TAS1R2: variants seen among roughly 807,000 people sequenced by gnomAD.
The protein encoded by TAS1R2 is taste 1 receptor member 2, also known as taste receptor type 1 member 2.
Under a neutral mutation model 49.3 loss-of-function variants are expected in TAS1R2, and 47 were observed. The observed-to-expected ratio is 0.95, with a 90% CI of 0.75 to 1.22. The LOEUF is 1.22. Among genes scored for constraint, TAS1R2 ranks in the 50% most tolerant of loss-of-function variants. The pLI, the probability that TAS1R2 is intolerant of heterozygous loss-of-function variation, is 0.00. For synonymous variants in TAS1R2, 479 were observed against 467.9 expected (o/e 1.02, Z -0.31); for missense variants, 1,155 against 1,122.1 (o/e 1.03, Z -0.42).
At chr1:18,849,247 A>G (rs578204924) in intron 4 of TAS1R2, 94 bp downstream of exon 4, 3 of 1,315,362 alleles carry the variant, frequency 2.3e-6, no homozygotes, top group South Asian at 2.6e-5. Context: ...AAGCATCTCC[A>G]GGCTCTGTCC....
rs775502253 is a variant in TAS1R2 at position 18,857,290 on chromosome 1, C to T, written c.483+41G>A. On this transcript the variant is annotated intron_variant, in intron 2 of 5. Transcript: ENST00000375371. The stretch of plus-strand genomic sequence containing the variant: ...AGGCCTCTAGACAGCCATTCCTCTG[C>T]CCCCCTCCCCAGGTCCTTCTCCAGG... The T allele has an allele frequency of 1.9e-6, 3 of 1,588,140 alleles. No individual in the cohort carries two copies. The South Asian group carries it at 3.5e-5, about 18-fold the overall frequency.
intron 2 of TAS1R2, among the ~76,000 whole-genome samples, chr1:18,856,544 G>T (rs146999623): frequency 6.6e-6 from 1 of 152,126 alleles, no homozygotes; most frequent in African/African-American, 2.4e-5. Context: ...CTCCATGAGG[G>T]CGATGATTTC....
chr1:18,847,198 G>T (rs1319245740), intron 4 of TAS1R2, among the ~76,000 whole-genome samples: 1 of 152,160 alleles, frequency 6.6e-6, no homozygotes, highest in Non-Finnish European at 1.5e-5. Context: ...TATGGGTGGT[G>T]CATCTACAGT....
intron 4 of TAS1R2, among the ~76,000 whole-genome samples, chr1:18,848,161 C>T (rs1933955868): frequency 1.3e-5 from 2 of 152,122 alleles, no homozygotes; most frequent in African/African-American, 2.4e-5. Flanking sequence ...TATAGAGAAC[C>T]TCCGCCACAG....
intron 5 of TAS1R2, 117 bp downstream of exon 5, chr1:18,841,610 TCA>T (rs1323783846): frequency 7.1e-7 from 1 of 1,412,802 alleles, no homozygotes; most frequent in African/African-American, 1.4e-5. Context: ...CTTTGGACAC[TCA>T]CACCCCCTGT....
In TAS1R2 at chr1:18,854,015, T is replaced by C. The variant is rs1403242730; in HGVS notation, c.1257+198A>G. Among the ~76,000 whole-genome samples, 2 of 152,148 alleles carry C rather than the reference T, an allele frequency of 1.3e-5. No homozygotes were observed. Among genetic ancestry groups the C allele is most frequent in the African/African-American group, 4.8e-5 (2 of 41,436 alleles). On this transcript the variant is annotated intron_variant, in intron 3 of 5. Transcript: ENST00000375371. This position sits in a 1 kb window ranked among gnomAD's most constrained non-coding sequence, Gnocchi z 4.9. ...TTCCTTCTGGTGAATTCCACCTGAA[T>C]CTCCCAAGAACAGACTACTATCTTG...
intron 2 of TAS1R2, among the ~76,000 whole-genome samples, chr1:18,856,623 T>A (rs757546888): frequency 6.6e-5 from 10 of 152,218 alleles, no homozygotes; most frequent in African/African-American, 2.2e-4. Flanking sequence ...TCAATAAATA[T>A]CTGTTACATG....
intron 4 of TAS1R2, among the ~76,000 whole-genome samples, chr1:18,848,225 T>G (rs1933957247): frequency 6.6e-6 from 1 of 152,056 alleles, no homozygotes; most frequent in African/African-American, 2.4e-5. Flanking sequence ...CTGTGTGGCC[T>G]CAGACAGGTC....
intron 4 of TAS1R2, 147 bp from the exon 5 acceptor site, chr1:18,841,999 A>AAAC: frequency 1.1e-6 from 1 of 942,462 alleles, no homozygotes; most frequent in South Asian, 2.5e-5. Context: ...AAAAAAAAAA[A>AAAC]CTCTCATGCT....
exon 6 of TAS1R2, chr1:18,840,346 G>C (rs777787510): frequency 3.1e-6 from 5 of 1,614,032 alleles, no homozygotes; most frequent in South Asian, 1.1e-5. Flanking sequence ...TGGGTGTCTG[G>C]AAGTGCCTCC....
intron 3 of TAS1R2, among the ~76,000 whole-genome samples, chr1:18,852,281 T>C (rs1342976594): frequency 6.6e-6 from 1 of 152,200 alleles, no homozygotes; most frequent in African/African-American, 2.4e-5. Flanking sequence ...ACATACCATT[T>C]TGCAGGTTGA....
rs367758455 is a variant in TAS1R2 at position 18,856,511 on chromosome 1, G to GTC, written c.483+818_483+819dup. 3.0e-3 allele frequency among the ~76,000 whole-genome samples: 452 copies of GTC among 152,056 alleles called. 1 individual carries two copies. The highest frequency in any genetic ancestry group is 9.9e-3 in the African/African-American group (411 of 41,458). On this transcript the variant is annotated intron_variant, in intron 2 of 5. Coordinates refer to ENST00000375371, the Ensembl canonical transcript of TAS1R2. ...CTATTATTGTTTACATTTATTTTCTGTCTCTCTCCACTAGAAGAGAAACTC... is the reference window on the plus strand; with the variant it reads ...CTATTATTGTTTACATTTATTTTCTGTCTCTCTCTCCACTAGAAGAGAAACTC...
intron 3 of TAS1R2, among the ~76,000 whole-genome samples, chr1:18,852,574 A>G (rs749257821): frequency 3.5e-4 from 53 of 152,306 alleles, no homozygotes; most frequent in Admixed American, 4.6e-4. Flanking sequence ...GGCTGTCTCA[A>G]GAATGTCATC....
intron 3 of TAS1R2, among the ~76,000 whole-genome samples, chr1:18,852,130 C>T (rs112611025): frequency 1.3e-4 from 20 of 152,310 alleles, no homozygotes; most frequent in African/African-American, 4.8e-4. Context: ...TCACTGGCCT[C>T]GGTTTGGGAG....
intron 4 of TAS1R2, among the ~76,000 whole-genome samples, chr1:18,847,189 A>G (rs1308399013): frequency 6.6e-6 from 1 of 152,196 alleles, no homozygotes; most frequent in Non-Finnish European, 1.5e-5. Context: ...GTGGACTAAT[A>G]TGGGTGGTGC....
chr1:18,855,606 C>A (rs1186208665), intron 2 of TAS1R2, among the ~76,000 whole-genome samples: 2 of 152,168 alleles, frequency 1.3e-5, no homozygotes, highest in African/African-American at 4.8e-5. Flanking sequence ...AGCCTCATGG[C>A]TTAATATCCC....
chr1:18,858,793 A>G (rs1197150151), intron 1 of TAS1R2, among the ~76,000 whole-genome samples: 1 of 152,186 alleles, frequency 6.6e-6, no homozygotes, highest in South Asian at 2.1e-4. Flanking sequence ...CCAGCATATA[A>G]TCTTCCCCAG....
At chr1:18,855,059 A>T in intron 2 of TAS1R2, 73 bp from the exon 3 acceptor site, 6 of 1,541,236 alleles carry the variant, frequency 3.9e-6, no homozygotes, top group Non-Finnish European at 5.3e-6. Flanking sequence ...GGCTCTATCC[A>T]CCATCATCAT....
intron 4 of TAS1R2, among the ~76,000 whole-genome samples, chr1:18,845,832 G>A (rs1933910331): frequency 1.3e-5 from 2 of 152,156 alleles, no homozygotes; most frequent in African/African-American, 2.4e-5. Flanking sequence ...GGGGAAGAAG[G>A]TCTGGATCAC....
Sources: gnomAD v4.1 joint callset for allele counts (sites outside exome capture counted in the v4.1 genomes callset) on GRCh38, gnomAD v4.1.1 for gene constraint, Gnocchi (gnomAD v3.1) non-coding constraint, MANE v1.5 for transcripts, NCBI Gene and HGNC (gene_info 2026-07-23, HGNC 2026-07-21) for gene names.